The following ZDHHC2 variants were observed in gnomAD, a reference collection of about 807,000 sequenced individuals.
The protein encoded by ZDHHC2 is palmitoyltransferase ZDHHC2.
In ZDHHC2, 51 loss-of-function variants were observed where a neutral mutation model predicts 55.6. That is an observed-to-expected ratio of 0.92 (90% CI 0.73 to 1.16). The LOEUF is 1.16. ZDHHC2 is among the 50% of genes most tolerant of loss of function. ZDHHC2 has a pLI of 0.00. For synonymous variants in ZDHHC2, 199 were observed against 152.9 expected (o/e 1.30, Z -2.22); for missense variants, 491 against 442.4 (o/e 1.11, Z -0.99).
At chr8:17,165,688 A>C (rs886354820) in intron 1 of ZDHHC2, among the ~76,000 whole-genome samples, 2 of 152,234 alleles carry the variant, frequency 1.3e-5, no homozygotes, top group Non-Finnish European at 2.9e-5. Flanking sequence ...AAAAAACATA[A>C]GTACATTAGA....
rs907635336 is a variant in ZDHHC2 at position 17,210,405 on chromosome 8, C to G, written c.875C>G (p.Ser292Cys). 1 of 1,613,300 alleles carries G rather than the reference C, an allele frequency of 6.2e-7. No individual in the cohort carries two copies. The highest frequency in any genetic ancestry group is 8.5e-7 in the Non-Finnish European group (1 of 1,179,598). The stretch of plus-strand genomic sequence containing the variant: ...AATTCTAGTCTAGGTGATGGCTGCT[C>G]CTTTCCAACTTGCCTTGTTAACCAG... ...PIFSSLGDGCSFPTCLVNQDP... is the reference protein window; with the variant it reads ...PIFSSLGDGCCFPTCLVNQDP... Residue 292 changes from serine (S) to cysteine (C), a missense_variant, in exon 10 of 13, where the codon TCC (serine) becomes TGC (cysteine). By Grantham distance (112) the Ser-to-Cys change is moderately radical. Coordinates refer to ENST00000262096, the MANE Select transcript of ZDHHC2 (RefSeq NM_016353.5).
At chr8:17,158,370 T>A (rs1804170399) in intron 1 of ZDHHC2, among the ~76,000 whole-genome samples, 1 of 152,182 alleles carries the variant, frequency 6.6e-6, no homozygotes, top group Admixed American at 6.5e-5. Context: ...AGAAGGGACA[T>A]CCTAGAAGGC....
At chr8:17,199,337 T>C (rs1230251318) in intron 6 of ZDHHC2, among the ~76,000 whole-genome samples, 1 of 152,108 alleles carries the variant, frequency 6.6e-6, no homozygotes, top group Non-Finnish European at 1.5e-5. Context: ...TTCTTAAAGG[T>C]CTCAATAAAT....
chr8:17,167,591 C>T (rs368305149), intron 1 of ZDHHC2, among the ~76,000 whole-genome samples: 10 of 152,058 alleles, frequency 6.6e-5, no homozygotes, highest in East Asian at 3.9e-4. Flanking sequence ...CCACCACGCC[C>T]GGCCACAAGC....
intron 1 of ZDHHC2, 151 bp from the exon 2 acceptor site, chr8:17,184,638 A>C (rs2150906272): frequency 6.0e-6 from 4 of 668,274 alleles, no homozygotes; most frequent in Non-Finnish European, 9.9e-6. Flanking sequence ...CACTGTGCTC[A>C]CCTCTCCTCC....
chr8:17,180,488 T>C (rs1396575434), intron 1 of ZDHHC2, among the ~76,000 whole-genome samples: 1 of 152,242 alleles, frequency 6.6e-6, no homozygotes, highest in East Asian at 1.9e-4. Flanking sequence ...ATATTACTTT[T>C]CTCTTTGTAA....
At chr8:17,204,113 G>A (rs1237484410) in intron 6 of ZDHHC2, among the ~76,000 whole-genome samples, 1 of 152,136 alleles carries the variant, frequency 6.6e-6, no homozygotes, top group Non-Finnish European at 1.5e-5. Flanking sequence ...GCCAACTTGT[G>A]GCTTCTTTAT....
chr8:17,156,919 T>A, intron 1 of ZDHHC2, 66 bp downstream of exon 1: 1 of 1,396,398 alleles, frequency 7.2e-7, no homozygotes. Context: ...CCCGGGACGC[T>A]CAGCCGCTCC....
intron 5 of ZDHHC2, 96 bp from the exon 6 acceptor site, chr8:17,198,285 G>A (rs994199303): frequency 4.0e-5 from 47 of 1,161,388 alleles, no homozygotes; most frequent in African/African-American, 1.6e-4. Flanking sequence ...TTTACTTGCC[G>A]CAGCTGTTTG....
intron 4 of ZDHHC2, among the ~76,000 whole-genome samples, chr8:17,196,413 GAC>G (rs1806312411): frequency 6.6e-6 from 1 of 152,098 alleles, no homozygotes; most frequent in Non-Finnish European, 1.5e-5. Context: ...TTAATGAACA[GAC>G]ACAGTGGCTT....
chr8:17,207,970 C>T lies in ZDHHC2; in HGVS notation c.608C>T (p.Pro203Leu). The T allele has an allele frequency of 6.4e-7, 1 of 1,567,870 alleles. No homozygotes were observed. Among genetic ancestry groups the T allele is most frequent in the Non-Finnish European group, 8.7e-7 (1 of 1,156,004 alleles). Residue 203 changes from proline to leucine, a missense_variant, in exon 8 of 13, where the codon CCT becomes CTT. Coordinates refer to ENST00000262096, the MANE Select transcript of ZDHHC2 (RefSeq NM_016353.5). ...YFIKFWTNGL[P>L]DTQAKFHIMF... ...TTCCTTTCTTTATAGAATGGCCTAC[C>T]TGATACTCAAGCCAAGTTCCATATT...
chr8:17,194,565 T>G (rs1806207076), intron 3 of ZDHHC2, among the ~76,000 whole-genome samples: 1 of 152,014 alleles, frequency 6.6e-6, no homozygotes, highest in Non-Finnish European at 1.5e-5. Flanking sequence ...TTATCACATG[T>G]GCATGTATCT....
At position 17,197,482 on chromosome 8, in the gene ZDHHC2, T is replaced by C. The variant is rs1240429038; in HGVS notation, c.374-100T>C. 5.9e-6 allele frequency: 6 copies of C among 1,019,316 alleles called. No individual in the cohort carries two copies. In the Admixed American group the frequency reaches 9.7e-5, roughly 17 times the overall value. 63.1% of individuals were successfully genotyped at this position (1,019,316 alleles called of 1,614,324 possible). A position where few individuals can be genotyped will look rare whatever the true frequency, so the allele number is the denominator to read the frequency against. ...TTTTTTACCATATTTAAATTTCATA[T>C]GCTTTTTAAAATTTAAATTTGGAGA... On this transcript the variant is annotated intron_variant, in intron 4 of 12. Coordinates refer to ENST00000262096, the MANE Select transcript of ZDHHC2 (RefSeq NM_016353.5).
At chr8:17,184,308 A>G (rs983204583) in intron 1 of ZDHHC2, among the ~76,000 whole-genome samples, 4 of 152,202 alleles carry the variant, frequency 2.6e-5, no homozygotes, top group Non-Finnish European at 4.4e-5. Flanking sequence ...GTCACTGTGC[A>G]TAAGCATTTG....
At chr8:17,164,594 A>G (rs1024287426) in intron 1 of ZDHHC2, among the ~76,000 whole-genome samples, 4 of 151,666 alleles carry the variant, frequency 2.6e-5, no homozygotes, top group African/African-American at 9.7e-5. Flanking sequence ...TACACTAAAC[A>G]ATAAAAAAAA....
intron 1 of ZDHHC2, among the ~76,000 whole-genome samples, chr8:17,166,522 G>C (rs982301560): frequency 2.0e-5 from 3 of 152,080 alleles, no homozygotes; most frequent in African/African-American, 7.2e-5. Flanking sequence ...GTAGAATGTG[G>C]GAATAAATTC....
chr8:17,158,099 A>G (rs1804153807), intron 1 of ZDHHC2, among the ~76,000 whole-genome samples: 1 of 152,226 alleles, frequency 6.6e-6, no homozygotes, highest in Non-Finnish European at 1.5e-5. Context: ...AGTCCAAAAA[A>G]AAAACCTTGA....
intron 6 of ZDHHC2, among the ~76,000 whole-genome samples, chr8:17,200,413 TA>T (rs1390431765): frequency 6.6e-6 from 1 of 152,190 alleles, no homozygotes; most frequent in Non-Finnish European, 1.5e-5. Context: ...TGCTTTGGGG[TA>T]AACCCATGTT....
In ZDHHC2 at chr8:17,170,439, A is replaced by G. The variant is rs139781244; in HGVS notation, c.130+13586A>G. On this transcript the variant is annotated intron_variant, in intron 1 of 12. Transcript: ENST00000262096. ...AAATGTAGGAATTACATCCTTATATAGTTTCTTTCTCTGGAGAGTTGTAAA... is the reference window on the plus strand; with the variant it reads ...AAATGTAGGAATTACATCCTTATATGGTTTCTTTCTCTGGAGAGTTGTAAA... Among the ~76,000 whole-genome samples the G allele has an allele frequency of 5.9e-5, 9 of 152,338 alleles. No homozygotes were observed. In the East Asian group the frequency reaches 1.7e-3, roughly 29 times the overall value.
Sources: gnomAD v4.1 joint callset for allele counts (sites outside exome capture counted in the v4.1 genomes callset) on GRCh38, gnomAD v4.1.1 for gene constraint, MANE v1.5 for transcripts, NCBI Gene and HGNC (gene_info 2026-07-23, HGNC 2026-07-21) for gene names.